NDUFAF7: variants seen among roughly 807,000 people sequenced by gnomAD.
NDUFAF7 encodes the protein NADH:ubiquinone oxidoreductase complex assembly factor 7, also known as protein arginine methyltransferase NDUFAF7, mitochondrial.
NDUFAF7 carries 48 observed loss-of-function variants against 47.2 expected under a neutral mutation model. The ratio of observed to expected loss-of-function variants is 1.02; its 90% CI spans 0.81 to 1.29. The LOEUF (loss-of-function observed/expected upper bound fraction) is 1.29. Ranked by LOEUF, NDUFAF7 falls within the 50% of genes most tolerant of loss-of-function variation. The pLI, the probability that NDUFAF7 is intolerant of heterozygous loss-of-function variation, is 0.00. For missense variants in NDUFAF7, 635 were observed against 537.6 expected (o/e 1.18, Z -1.79); for synonymous variants, 217 against 190.0 (o/e 1.14, Z -1.17).
chr2:37,242,555 A>C lies in NDUFAF7; in HGVS notation c.623-80A>C, dbSNP rs550371591. The C allele has an allele frequency of 6.7e-6, 8 of 1,187,166 alleles. No individual in the cohort carries two copies. The Admixed American group carries it at 1.4e-4, about 20-fold the overall frequency. 73.5% of individuals were successfully genotyped at this position (1,187,166 alleles called of 1,614,324 possible). On this transcript the variant is annotated intron_variant, in intron 5 of 9. Coordinates refer to ENST00000002125, the MANE Select transcript of NDUFAF7 (RefSeq NM_144736.5). ...AGTGATGATTATGGAGGAAGTAGGC[A>C]TTTTTTTTACAGTTAATATTCAAAA...
At chr2:37,259,472 G>C in the NDUFAF7 span, 29 of 636,916 alleles carry the variant, frequency 4.6e-5, no homozygotes, top group East Asian at 5.8e-4. Context: ...AACTATTTTT[G>C]TAAGGTGGTA....
the NDUFAF7 span, among the ~76,000 whole-genome samples, chr2:37,262,661 T>TTGGC: frequency 8.8e-5 from 13 of 147,848 alleles, 1 homozygote; most frequent in South Asian, 2.8e-3. Flanking sequence ...TAGGCCATAG[T>TTGGC]TGGCTGGCTC....
the NDUFAF7 span, chr2:37,268,426 T>C: frequency 2.0e-5 from 9 of 458,710 alleles, no homozygotes; most frequent in Admixed American, 7.4e-5. Context: ...ACACATTTTC[T>C]AGGCGACTGC....
intron 8 of NDUFAF7, among the ~76,000 whole-genome samples, chr2:37,246,841 C>T (rs902256815): frequency 1.3e-5 from 2 of 152,074 alleles, no homozygotes; most frequent in Non-Finnish European, 2.9e-5. Flanking sequence ...CTGACCAGGT[C>T]TGGTTAGGGT....
Position 37,232,127 on chromosome 2 carries a change from G to T in NDUFAF7, c.77G>T (p.Gly26Val), listed in dbSNP as rs1558484354. Reference protein sequence around the residue: ...ARAAIPFIWRGKYFSSGNEPA... With the variant: ...ARAAIPFIWRVKYFSSGNEPA... ...GCAGCCATTCCTTTTATTTGGAGAG[G>T]GAAATACTTCAGCTCCGGGAATGAG... is the stretch of plus-strand genomic sequence containing the variant. Residue 26 changes from glycine to valine, a missense_variant, in exon 2 of 10, where the codon GGG becomes GTG. By Grantham distance (109) the Gly-to-Val change is moderately radical (BLOSUM62 -3). Coordinates refer to ENST00000002125, the MANE Select transcript of NDUFAF7 (RefSeq NM_144736.5). The T allele has an allele frequency of 1.1e-5, 18 of 1,614,226 alleles. No homozygotes were observed. The Middle Eastern group carries it at 6.6e-4, about 59-fold the overall frequency.
intron 7 of NDUFAF7, among the ~76,000 whole-genome samples, chr2:37,244,402 A>G (rs1013891438): frequency 1.3e-5 from 2 of 152,184 alleles, no homozygotes; most frequent in Admixed American, 6.5e-5. Context: ...AAGCAACTAT[A>G]TTAGGTAGGT....
chr2:37,251,868 T>TA (rs961994279), downstream of NDUFAF7: 15 of 149,668 alleles, frequency 1.0e-4, no homozygotes, highest in African/African-American at 3.7e-4. Flanking sequence ...TTACTTTTGT[T>TA]AGAGTGGAGA....
chr2:37,256,902 G>A (rs775758020), downstream of NDUFAF7: 14 of 1,613,782 alleles, frequency 8.7e-6, no homozygotes, highest in Non-Finnish European at 1.2e-5. Context: ...CCAATGATGC[G>A]TGCAAATCCA....
In NDUFAF7 at chr2:37,246,164, G is replaced by A; in HGVS notation, c.905G>A (p.Gly302Asp). ...TGGAALVADY[G>D]HDGTKTDTFR... The stretch of plus-strand genomic sequence containing the variant: ...GGTGCTGCACTGGTTGCTGATTATG[G>A]TCATGATGGAACAAAGACAGATACC... Residue 302 changes from glycine to aspartate, a missense_variant, in exon 8 of 10, where the codon GGT (glycine) becomes GAT (aspartate). By Grantham distance (94) the Gly-to-Asp change is moderately conservative (BLOSUM62 -1). Coordinates refer to ENST00000002125, the MANE Select transcript of NDUFAF7 (RefSeq NM_144736.5). The A allele has an allele frequency of 2.5e-6, 4 of 1,613,866 alleles. No homozygotes were observed. The highest frequency in any genetic ancestry group is 3.4e-6 in the Non-Finnish European group (4 of 1,179,832).
rs1268771020 is a variant in NDUFAF7 at position 37,237,803 on chromosome 2, GCAC to G, written c.345_347del (p.Ser115_Thr116delinsArg). Reference sequence around the variant, plus strand: ...AGTGAATGGATGGCCACTGGAAAAAGCACAGCTTTCCAGCTGGTGGAACTGGGC... The same window carrying G: ...AGTGAATGGATGGCCACTGGAAAAAGAGCTTTCCAGCTGGTGGAACTGGGC... On this transcript the variant is annotated inframe_deletion, in exon 4 of 10. Coordinates refer to ENST00000002125, the MANE Select transcript of NDUFAF7 (RefSeq NM_144736.5). 1 of 1,613,854 alleles carries G rather than the reference GCAC, an allele frequency of 6.2e-7. No homozygotes were observed. Among genetic ancestry groups the G allele is most frequent in the Admixed American group, 1.7e-5 (1 of 60,024 alleles).
intron 2 of NDUFAF7, 46 bp from the exon 3 acceptor site, chr2:37,236,050 T>A (rs1012115074): frequency 6.9e-7 from 1 of 1,454,344 alleles, no homozygotes; most frequent in African/African-American, 1.4e-5. Flanking sequence ...TTTAAAAGGC[T>A]TATTTGAAAA....
rs1665149136 is a variant in NDUFAF7, at chr2:37,231,744, T to G, written c.39T>G (p.Cys13Trp). The G allele has an allele frequency of 3.1e-6, 5 of 1,614,216 alleles. No homozygotes were observed. Among genetic ancestry groups the G allele is most frequent in the Non-Finnish European group, 4.2e-6 (5 of 1,180,022 alleles). ...VLLRSGLGPL[C>W]AVARAAIPFI... ...TGAGGTCAGGTTTGGGGCCGTTGTG[T>G]GCCGTGGCGCGCGCAGGTAAGCGTC... is the stretch of plus-strand genomic sequence containing the variant. Residue 13 changes from cysteine to tryptophan, a missense_variant, in exon 1 of 10, where the codon TGT becomes TGG. By Grantham distance (215) the Cys-to-Trp change is radical (BLOSUM62 -2). Transcript: ENST00000002125.
chr2:37,263,004 A>G, the NDUFAF7 span, among the ~76,000 whole-genome samples: 1 of 151,048 alleles, frequency 6.6e-6, no homozygotes, highest in East Asian at 1.9e-4. Flanking sequence ...CACACAGCAA[A>G]CCAGCTTTTG....
At chr2:37,267,825 A>G in the NDUFAF7 span, 1 of 315,258 alleles carries the variant, frequency 3.2e-6, no homozygotes, top group Non-Finnish European at 5.8e-6. Flanking sequence ...ATAGTTAATT[A>G]CCCTGACCTA....
intron 5 of NDUFAF7, 121 bp from the exon 6 acceptor site, chr2:37,242,514 T>C (rs1335248647): frequency 1.5e-5 from 11 of 725,410 alleles, no homozygotes; most frequent in East Asian, 5.5e-5. Context: ...CATGAAGAGG[T>C]AGATAATTCT....
At chr2:37,268,364 C>G in the NDUFAF7 span, 16 of 470,690 alleles carry the variant, frequency 3.4e-5, no homozygotes, top group Non-Finnish European at 2.6e-5. Flanking sequence ...ACTCTTAAAA[C>G]TGACAAATCT....
the NDUFAF7 span, chr2:37,259,552 A>G: frequency 4.6e-6 from 7 of 1,531,094 alleles, no homozygotes; most frequent in Non-Finnish European, 6.3e-6. Flanking sequence ...TGTTGCCAGA[A>G]TCATTTAAAA....
intron 8 of NDUFAF7, among the ~76,000 whole-genome samples, chr2:37,246,630 T>C (rs1292283954): frequency 2.6e-5 from 4 of 152,228 alleles, no homozygotes; most frequent in African/African-American, 9.6e-5. Context: ...ATGTATTCTT[T>C]TACACTGTTC....
At chr2:37,261,129 C>A in the NDUFAF7 span, among the ~76,000 whole-genome samples, 1 of 152,148 alleles carries the variant, frequency 6.6e-6, no homozygotes, top group Non-Finnish European at 1.5e-5. Flanking sequence ...TTCAGTCTTC[C>A]AATTTAATCT....
Sources: gnomAD v4.1 joint callset for allele counts (sites outside exome capture counted in the v4.1 genomes callset) on GRCh38, gnomAD v4.1.1 for gene constraint, MANE v1.5 for transcripts, NCBI Gene and HGNC (gene_info 2026-07-23, HGNC 2026-07-21) for gene names.